The following DNAH11 variants were observed in gnomAD, a reference collection of about 807,000 sequenced individuals.
DNAH11 encodes axonemal beta dynein heavy chain 11.
DNAH11 carries 442 observed loss-of-function variants against 526.0 expected under a neutral mutation model. That is an observed-to-expected ratio of 0.84 (90% confidence interval 0.78 to 0.91). DNAH11 has a LOEUF of 0.91. DNAH11 is among the 40% of genes least tolerant of loss of function. The pLI, the probability that DNAH11 is intolerant of heterozygous loss-of-function variation, is 0.00. For missense variants in DNAH11, 6,989 were observed against 5,448.7 expected, an observed-to-expected ratio of 1.28 and a Z score of -8.90; for synonymous variants, 2,461 against 1,935.9, an observed-to-expected ratio of 1.27 and a Z score of -7.12.
chr7:21,664,196 C>G (rs1175900053), intron 30 of DNAH11, among the ~76,000 whole-genome samples: 1 of 116,194 alleles, frequency 8.6e-6, no homozygotes, highest in East Asian at 2.4e-4. Flanking sequence ...ATTGTGGTTT[C>G]TATTCTTTAA....
intron 35 of DNAH11, among the ~76,000 whole-genome samples, chr7:21,692,634 T>A (rs1273365507): frequency 2.0e-5 from 3 of 152,174 alleles, no homozygotes; most frequent in African/African-American, 7.2e-5. Flanking sequence ...CTATGAACAT[T>A]CACGTGCGAT....
rs1784375059 is a variant in DNAH11 at position 21,583,238 on chromosome 7, T to C, written c.1710+1217T>C. 2.0e-5 allele frequency among the ~76,000 whole-genome samples: 3 copies of C among 152,056 alleles called. No individual in the cohort carries two copies. In the South Asian group the frequency reaches 6.2e-4, roughly 32 times the overall value. ...AGTATAGTACTGGTACCAAAACAGA[T>C]TGTAGACCAATGGAACAGAACAGAG... is the stretch of plus-strand genomic sequence containing the variant. On this transcript the variant is annotated intron_variant, in intron 9 of 81. Transcript: ENST00000409508.
chr7:21,704,646 T>C lies in DNAH11; in HGVS notation c.6468+18T>C. On this transcript the variant is annotated intron_variant, in intron 38 of 81. Coordinates refer to ENST00000409508, the MANE Select transcript of DNAH11 (RefSeq NM_001277115.2). ...TCCTCAAAGTAAAAGGAGCATTTGC[T>C]TTTCATGGCAGCTGTTGGGATTGTC... is the stretch of plus-strand genomic sequence containing the variant. The C allele has an allele frequency of 1.3e-6, 2 of 1,581,352 alleles. No homozygotes were observed. The highest frequency in any genetic ancestry group is 1.2e-5 in the South Asian group (1 of 84,218).
At chr7:21,704,802 A>G (rs569663778) in intron 38 of DNAH11, among the ~76,000 whole-genome samples, 174 bp downstream of exon 38, 1 of 152,356 alleles carries the variant, frequency 6.6e-6, no homozygotes, top group Admixed American at 6.5e-5. Flanking sequence ...TAAACATTTA[A>G]GTAGCCCCTC....
chr7:21,817,163 T>G (rs1789831259), intron 64 of DNAH11, among the ~76,000 whole-genome samples: 1 of 152,074 alleles, frequency 6.6e-6, no homozygotes, highest in African/African-American at 2.4e-5. Flanking sequence ...ATTATCTTAG[T>G]CAAGATTTAC....
At chr7:21,819,501 G>A (rs1193655113) in intron 65 of DNAH11, among the ~76,000 whole-genome samples, 1 of 152,174 alleles carries the variant, frequency 6.6e-6, no homozygotes, top group African/African-American at 2.4e-5. Context: ...TTGTAGCTGT[G>A]TCTGATGTGT....
chr7:21,707,837 T>C lies in DNAH11; in HGVS notation c.6683+2T>C. The C allele has an allele frequency of 3.1e-6, 5 of 1,594,476 alleles. No individual in the cohort carries two copies. Among genetic ancestry groups the C allele is most frequent in the Non-Finnish European group, 4.3e-6 (5 of 1,171,582 alleles). ...TACCCGAGAATGGAAAGATGGCAAG[T>C]AGTATTTCCCCTTTAGAAGTGCTCA... On this transcript the variant is annotated splice_donor_variant, in intron 40 of 81. Transcript: ENST00000409508. LOFTEE classifies it high-confidence loss of function.
intron 14 of DNAH11, among the ~76,000 whole-genome samples, chr7:21,594,006 TCA>T (rs909880186): frequency 6.7e-5 from 10 of 148,922 alleles, no homozygotes; most frequent in South Asian, 2.1e-4. Context: ...CTCTCACATA[TCA>T]CACACACACT....
At chr7:21,850,820 G>T (rs1309566932) in intron 66 of DNAH11, among the ~76,000 whole-genome samples, 1 of 151,844 alleles carries the variant, frequency 6.6e-6, no homozygotes, top group African/African-American at 2.4e-5. Context: ...TGTCTCCCTT[G>T]TTGTCCTTAG....
chr7:21,756,478 T>C (rs1786647248), intron 54 of DNAH11, among the ~76,000 whole-genome samples: 1 of 152,140 alleles, frequency 6.6e-6, no homozygotes, highest in South Asian at 2.1e-4. Flanking sequence ...CAAGATCACC[T>C]TCCTTTTCTA....
At chr7:21,652,444 TA>T (rs1489930897) in intron 28 of DNAH11, among the ~76,000 whole-genome samples, 1 of 152,220 alleles carries the variant, frequency 6.6e-6, no homozygotes, top group Non-Finnish European at 1.5e-5. Flanking sequence ...CCTTAAGTAG[TA>T]AGATGAGAAG....
chr7:21,811,287 A>G, intron 63 of DNAH11, among the ~76,000 whole-genome samples: 1 of 148,346 alleles, frequency 6.7e-6, no homozygotes, highest in South Asian at 2.2e-4. Flanking sequence ...ACATGGTGAA[A>G]CCCCCCCCCC....
Position 21,901,189 on chromosome 7 carries a change from CTGAAGAG to C in DNAH11, c.13487_13493del (p.Leu4496ProfsTer17). 6.2e-7 allele frequency: 1 copy of C among 1,613,430 alleles called. No individual in the cohort carries two copies. The highest frequency in any genetic ancestry group is 8.5e-7 in the Non-Finnish European group (1 of 1,179,654). ...CCCCAGCTACATCTGGACCTTCAGG[CTGAAGAG>C]CGAAGAGAAGACTGCAAAATGGGTT... On this transcript the variant is annotated frameshift_variant, in exon 82 of 82. Transcript: ENST00000409508. LOFTEE classifies it high-confidence loss of function.
intron 2 of DNAH11, 24 bp from the exon 3 acceptor site, chr7:21,558,778 T>G (rs1460069473): frequency 6.5e-7 from 1 of 1,528,338 alleles, no homozygotes; most frequent in Admixed American, 2.3e-5. Context: ...GTAAATTAAT[T>G]TAACTATGTT....
chr7:21,602,339 AAAT>A (rs981300470), intron 18 of DNAH11, among the ~76,000 whole-genome samples: 13 of 152,150 alleles, frequency 8.5e-5, no homozygotes, highest in Non-Finnish European at 1.3e-4. Flanking sequence ...CTCCTTCTCA[AAAT>A]AATAATAATA....
At chr7:21,865,153 A>T (rs1783224582) in intron 70 of DNAH11, among the ~76,000 whole-genome samples, 1 of 152,074 alleles carries the variant, frequency 6.6e-6, no homozygotes, top group Non-Finnish European at 1.5e-5. Flanking sequence ...ATCAATCCTC[A>T]TTGCATTTTT....
At chr7:21,575,717 A>G (rs1784065419) in intron 8 of DNAH11, among the ~76,000 whole-genome samples, 2 of 152,242 alleles carry the variant, frequency 1.3e-5, no homozygotes, top group Admixed American at 1.3e-4. Flanking sequence ...AGGCATCTCT[A>G]TTAAAAATTT....
At chr7:21,811,631 G>A (rs750196741) in intron 63 of DNAH11, among the ~76,000 whole-genome samples, 13 of 152,064 alleles carry the variant, frequency 8.5e-5, no homozygotes, top group Non-Finnish European at 1.6e-4. Context: ...AAAAAGTTCT[G>A]GAGCTAGATA....
intron 75 of DNAH11, 93 bp from the exon 76 acceptor site, chr7:21,884,198 G>C (rs1262538773): frequency 6.1e-6 from 7 of 1,148,570 alleles, no homozygotes; most frequent in Non-Finnish European, 8.2e-6. Flanking sequence ...GAGGCTTGGA[G>C]GGCATTGTGT....
Sources: allele counts gnomAD v4.1 joint callset (sites outside exome capture counted in the v4.1 genomes callset), GRCh38; gene constraint gnomAD v4.1.1; transcripts MANE v1.5; gene names NCBI Gene and HGNC (gene_info 2026-07-23, HGNC 2026-07-21).